Variants in GALNT13 observed in about 807,000 individuals in gnomAD.
The protein encoded by GALNT13 is UDP-GalNAc:polypeptide N-acetylgalactosaminyltransferase 13.
Under a neutral mutation model 64.2 loss-of-function variants are expected in GALNT13, and 28 were observed. The observed-to-expected ratio is 0.44, with a 90% CI of 0.32 to 0.60. The LOEUF is 0.60. Among genes scored for constraint, GALNT13 ranks in the 20% least tolerant of loss-of-function variants. GALNT13 has a pLI of 0.05. For missense variants in GALNT13, 577 were observed against 669.8 expected (o/e 0.86, Z 1.53); for synonymous variants, 214 against 224.6 (o/e 0.95, Z 0.42).
At chr2:153,668,506 G>T in the GALNT13 span, among the ~76,000 whole-genome samples, 2 of 152,072 alleles carry the variant, frequency 1.3e-5, no homozygotes, top group African/African-American at 4.8e-5. Flanking sequence ...AGGAACACTT[G>T]CCACTGAGGA....
At chr2:154,201,365 A>C (rs1197961552) in intron 4 of GALNT13, among the ~76,000 whole-genome samples, 1 of 152,114 alleles carries the variant, frequency 6.6e-6, no homozygotes, top group Non-Finnish European at 1.5e-5. Flanking sequence ...TCTTGACAGA[A>C]ATTCAATTTA....
At chr2:153,316,658 A>AT in the GALNT13 span, among the ~76,000 whole-genome samples, 2 of 151,330 alleles carry the variant, frequency 1.3e-5, no homozygotes, top group Non-Finnish European at 3.0e-5. Flanking sequence ...AAAAAAAAAA[A>AT]ATTTGTACAA....
intron 4 of GALNT13, among the ~76,000 whole-genome samples, chr2:154,151,297 G>A (rs1211755456): frequency 6.6e-6 from 1 of 152,168 alleles, no homozygotes; most frequent in African/African-American, 2.4e-5. Context: ...CTGAGAGACA[G>A]TTTGTTATAA....
the GALNT13 span, among the ~76,000 whole-genome samples, chr2:153,345,007 A>T: frequency 6.6e-6 from 1 of 152,364 alleles, no homozygotes; most frequent in East Asian, 1.9e-4. Flanking sequence ...AACAAAAGTA[A>T]AATCAATACA....
At chr2:153,331,585 G>A in the GALNT13 span, among the ~76,000 whole-genome samples, 4 of 152,176 alleles carry the variant, frequency 2.6e-5, no homozygotes, top group African/African-American at 9.7e-5. Flanking sequence ...CAGCACAGGA[G>A]AAAGATGTAG....
chr2:154,098,601 T>A (rs1007733640), intron 3 of GALNT13, among the ~76,000 whole-genome samples: 3 of 152,064 alleles, frequency 2.0e-5, no homozygotes, highest in Non-Finnish European at 4.4e-5. Flanking sequence ...TAGGTACTTT[T>A]CAGTACCTAT....
chr2:153,684,663 T>C, the GALNT13 span, among the ~76,000 whole-genome samples: 4 of 151,756 alleles, frequency 2.6e-5, no homozygotes, highest in Admixed American at 2.6e-4. Flanking sequence ...TTTTAACTTT[T>C]ATTTTAAGTT....
At chr2:153,381,947 C>G in the GALNT13 span, among the ~76,000 whole-genome samples, 1 of 152,026 alleles carries the variant, frequency 6.6e-6, no homozygotes, top group Admixed American at 6.6e-5. Context: ...TCATTTCATT[C>G]CAGTGAGATT....
chr2:153,722,606 A>C, the GALNT13 span, among the ~76,000 whole-genome samples: 1 of 152,034 alleles, frequency 6.6e-6, no homozygotes, highest in Non-Finnish European at 1.5e-5. Context: ...ACACAATAAA[A>C]AATGATAAAG....
At chr2:153,278,960 T>A in the GALNT13 span, among the ~76,000 whole-genome samples, 4 of 152,354 alleles carry the variant, frequency 2.6e-5, no homozygotes, top group South Asian at 8.3e-4. Context: ...ATGGCCATTT[T>A]AATGATAGTA....
chr2:153,368,881 A>G, the GALNT13 span, among the ~76,000 whole-genome samples: 21 of 152,042 alleles, frequency 1.4e-4, no homozygotes, highest in African/African-American at 5.1e-4. Context: ...TTTACTTTAA[A>G]TTGTATATTG....
chr2:154,447,149 A>G (rs555163631), intron 12 of GALNT13, among the ~76,000 whole-genome samples: 1 of 152,062 alleles, frequency 6.6e-6, no homozygotes, highest in Non-Finnish European at 1.5e-5. Context: ...GGGCCAAAGA[A>G]AGTATTGTTT....
At chr2:153,698,998 G>A in the GALNT13 span, among the ~76,000 whole-genome samples, 23 of 152,114 alleles carry the variant, frequency 1.5e-4, no homozygotes, top group Non-Finnish European at 3.1e-4. Context: ...GCCAAGGCAG[G>A]CGGATCACGA....
chr2:154,192,046 G>T (rs1277117276), intron 4 of GALNT13, among the ~76,000 whole-genome samples: 5 of 152,178 alleles, frequency 3.3e-5, no homozygotes, highest in Non-Finnish European at 7.3e-5. Context: ...AAAGGAGATG[G>T]AGTGGGAAAG....
At chr2:153,068,298 G>A in the GALNT13 span, among the ~76,000 whole-genome samples, 1 of 152,154 alleles carries the variant, frequency 6.6e-6, no homozygotes, top group African/African-American at 2.4e-5. Context: ...TTTTCACAGG[G>A]AGTGCTTTTC....
chr2:153,580,252 G>C, the GALNT13 span, among the ~76,000 whole-genome samples: 1 of 151,738 alleles, frequency 6.6e-6, no homozygotes, highest in Admixed American at 6.6e-5. Flanking sequence ...TCCTCTGCAG[G>C]TTACTTTATT....
intron 3 of GALNT13, among the ~76,000 whole-genome samples, chr2:154,088,221 T>C (rs1701629759): frequency 6.6e-6 from 1 of 152,118 alleles, no homozygotes; most frequent in Non-Finnish European, 1.5e-5. Context: ...TCTGTTACAT[T>C]CCAATATTCT....
At chr2:153,993,910 T>G (rs1695337979) in intron 3 of GALNT13, among the ~76,000 whole-genome samples, 1 of 151,954 alleles carries the variant, frequency 6.6e-6, no homozygotes, top group Admixed American at 6.6e-5. Flanking sequence ...CACTTAATTG[T>G]TTTCTTTTTT....
intron 3 of GALNT13, among the ~76,000 whole-genome samples, chr2:154,095,252 A>G (rs1213272269): frequency 6.6e-6 from 1 of 151,874 alleles, no homozygotes; most frequent in Non-Finnish European, 1.5e-5. Flanking sequence ...AGATGATTTA[A>G]TATCTTTGAG....
Sources: gnomAD v4.1 joint callset for allele counts (sites outside exome capture counted in the v4.1 genomes callset) on GRCh38, gnomAD v4.1.1 for gene constraint, MANE v1.5 for transcripts, NCBI Gene and HGNC (gene_info 2026-07-23, HGNC 2026-07-21) for gene names.